Variants in UGGT2 observed in about 807,000 individuals in gnomAD.
The protein encoded by UGGT2 is UDP-glucose:glycoprotein glucosyltransferase 2.
UGGT2 carries 180 observed loss-of-function variants against 192.1 expected under a neutral mutation model. That is an observed-to-expected ratio of 0.94 (90% CI 0.83 to 1.06). The LOEUF (loss-of-function observed/expected upper bound fraction) is 1.06. Ranked by LOEUF, UGGT2 falls within the 50% of genes least tolerant of loss-of-function variation. The pLI is 0.00. For synonymous variants in UGGT2, 580 were observed against 591.0 expected (o/e 0.98, Z 0.27); for missense variants, 1,849 against 1,795.7 (o/e 1.03, Z -0.54).
At chr13:95,981,522 A>T (rs2140857120) in intron 10 of UGGT2, among the ~76,000 whole-genome samples, 2 of 152,306 alleles carry the variant, frequency 1.3e-5, no homozygotes, top group Admixed American at 1.3e-4. Context: ...CCAGACCCAG[A>T]GGAAAATCCT....
chr13:95,938,276 G>C (rs745820069), intron 16 of UGGT2, among the ~76,000 whole-genome samples: 6 of 152,200 alleles, frequency 3.9e-5, no homozygotes, highest in Non-Finnish European at 8.8e-5. Context: ...CGGAGTTAGA[G>C]AGGGGTGTAG....
intron 1 of UGGT2, among the ~76,000 whole-genome samples, chr13:96,041,867 G>A (rs2053174338): frequency 6.6e-6 from 1 of 151,474 alleles, no homozygotes; most frequent in Non-Finnish European, 1.5e-5. Flanking sequence ...GTTGCAACAA[G>A]ACCCACCCAA....
intron 12 of UGGT2, among the ~76,000 whole-genome samples, chr13:95,959,252 G>T (rs2050311579): frequency 6.6e-6 from 1 of 152,196 alleles, no homozygotes; most frequent in Non-Finnish European, 1.5e-5. Context: ...AACTGTGTGT[G>T]TGTGTTTTGG....
chr13:95,851,433 T>C (rs961841536), intron 36 of UGGT2, among the ~76,000 whole-genome samples: 3 of 152,024 alleles, frequency 2.0e-5, no homozygotes, highest in African/African-American at 7.3e-5. Flanking sequence ...GAGTGAGAAG[T>C]GGGTCAAGGC....
intron 38 of UGGT2, among the ~76,000 whole-genome samples, chr13:95,803,175 T>C (rs1177167081): frequency 1.3e-5 from 2 of 152,100 alleles, no homozygotes; most frequent in South Asian, 2.1e-4. Flanking sequence ...TGGAAGTCTA[T>C]TCTTGAAAGA....
At chr13:95,814,805 A>T (rs948891471) in intron 38 of UGGT2, among the ~76,000 whole-genome samples, 1 of 152,320 alleles carries the variant, frequency 6.6e-6, no homozygotes. Context: ...AATATTCTCC[A>T]TGAACACAGA....
chr13:95,803,055 CG>C (rs1402444740), intron 38 of UGGT2, among the ~76,000 whole-genome samples: 1 of 151,876 alleles, frequency 6.6e-6, no homozygotes, highest in Non-Finnish European at 1.5e-5. Flanking sequence ...AGGATGGTCT[CG>C]ATCTCCTGAC....
intron 31 of UGGT2, among the ~76,000 whole-genome samples, chr13:95,861,298 G>A (rs1288122142): frequency 6.6e-6 from 1 of 152,128 alleles, no homozygotes; most frequent in African/African-American, 2.4e-5. Context: ...CAGGGTAGGT[G>A]TGTGAGTGCT....
At chr13:95,938,982 T>A (rs1267609959) in intron 16 of UGGT2, among the ~76,000 whole-genome samples, 1 of 147,922 alleles carries the variant, frequency 6.8e-6, no homozygotes, top group Non-Finnish European at 1.5e-5. Flanking sequence ...AGAAAAAAAA[T>A]GCATGTCACT....
intron 38 of UGGT2, among the ~76,000 whole-genome samples, chr13:95,813,203 G>T (rs769057656): frequency 6.6e-6 from 1 of 152,098 alleles, no homozygotes; most frequent in Non-Finnish European, 1.5e-5. Context: ...AGTTTGGAGG[G>T]CTCAAAAGAA....
intron 1 of UGGT2, among the ~76,000 whole-genome samples, chr13:96,039,136 G>GCCTGATGCTTCACCCTCTGTGC (rs1372235465): frequency 4.8e-4 from 73 of 152,130 alleles, no homozygotes; most frequent in African/African-American, 1.7e-3. Context: ...ACTCTCTGTG[G>GCCTGATGCTTCACCCTCTGTGC]CCTGATGCTT....
chr13:95,969,923 CAG>C (rs1228500745), intron 12 of UGGT2, among the ~76,000 whole-genome samples, 187 bp downstream of exon 12: 1 of 152,156 alleles, frequency 6.6e-6, no homozygotes, highest in East Asian at 1.9e-4. Flanking sequence ...TGTGACAAAA[CAG>C]AGACTATGAA....
At chr13:95,831,690 C>T (rs1211530915) in intron 38 of UGGT2, among the ~76,000 whole-genome samples, 1 of 152,018 alleles carries the variant, frequency 6.6e-6, no homozygotes, top group Admixed American at 6.6e-5. Context: ...TATACAGCTA[C>T]TATACGTTTA....
intron 1 of UGGT2, among the ~76,000 whole-genome samples, chr13:96,049,789 T>C (rs1253981796): frequency 6.6e-6 from 1 of 152,148 alleles, no homozygotes; most frequent in Non-Finnish European, 1.5e-5. Context: ...GAAGGACCTC[T>C]TCAAAGAGAA....
chr13:96,021,681 AAAG>A (rs1441141927), intron 4 of UGGT2, among the ~76,000 whole-genome samples: 1 of 152,230 alleles, frequency 6.6e-6, no homozygotes, highest in Non-Finnish European at 1.5e-5. Context: ...TCAGAATTGA[AAAG>A]AAGGTATAAT....
intron 14 of UGGT2, 151 bp downstream of exon 14, chr13:95,947,845 G>A (rs2049928925): frequency 7.1e-6 from 4 of 562,596 alleles, no homozygotes; most frequent in Non-Finnish European, 9.7e-6. Context: ...TAACATAAAG[G>A]TATATAATAC....
At chr13:95,980,770 G>A (rs1048926729) in intron 10 of UGGT2, among the ~76,000 whole-genome samples, 1 of 152,196 alleles carries the variant, frequency 6.6e-6, no homozygotes, top group Non-Finnish European at 1.5e-5. Context: ...CCAAGGCGGG[G>A]CAGATTACCT....
Position 95,979,328 on chromosome 13 carries a change from G to A in UGGT2, c.1092+4476C>T, listed in dbSNP as rs1237045240. On this transcript the variant is annotated intron_variant, in intron 10 of 38. Coordinates refer to ENST00000376747, the MANE Select transcript of UGGT2 (RefSeq NM_020121.4). ...AATTCAGTTATACAACTTGAGCATA[G>A]TCATAGTTTTTGAATAATCTTTGCT... Among the ~76,000 whole-genome samples, 9 of 152,120 alleles carry A rather than the reference G, an allele frequency of 5.9e-5. No homozygotes were observed. The East Asian group carries it at 1.7e-3, about 29-fold the overall frequency.
chr13:95,889,373 TTGTCTCCACTAATAAAA>T (rs2047736463), intron 25 of UGGT2, among the ~76,000 whole-genome samples: 1 of 152,160 alleles, frequency 6.6e-6, no homozygotes, highest in African/African-American at 2.4e-5. Flanking sequence ...CCAAAATTAT[TTGTCTCCACTAATAAAA>T]TCTCATTTTC....
Sources: gnomAD v4.1 joint callset for allele counts (sites outside exome capture counted in the v4.1 genomes callset) on GRCh38, gnomAD v4.1.1 for gene constraint, MANE v1.5 for transcripts, NCBI Gene and HGNC (gene_info 2026-07-23, HGNC 2026-07-21) for gene names.